TRPM7: variants seen among roughly 807,000 people sequenced by gnomAD.
TRPM7 encodes LTRPC ion channel family member 7.
TRPM7 carries 134 observed loss-of-function variants against 229.7 expected under a neutral mutation model. The observed-to-expected ratio is 0.58, with a 90% CI of 0.51 to 0.67. TRPM7 has a LOEUF of 0.67. Ranked by LOEUF, TRPM7 falls within the 30% of genes least tolerant of loss-of-function variation. The pLI is 0.00. For synonymous variants in TRPM7, 699 were observed against 715.2 expected, an observed-to-expected ratio of 0.98 and a Z score of 0.36; for missense variants, 1,901 against 2,210.0, an observed-to-expected ratio of 0.86 and a Z score of 2.80.
chr15:50,586,704 T>C, intron 27 of TRPM7: 1 of 372,484 alleles, frequency 2.7e-6, no homozygotes, highest in Non-Finnish European at 4.8e-6. Flanking sequence ...CATAAATCCA[T>C]CCAAATGAAT....
intron 5 of TRPM7, among the ~76,000 whole-genome samples, chr15:50,640,405 T>C (rs2061060661): frequency 1.3e-5 from 2 of 150,630 alleles, no homozygotes; most frequent in Non-Finnish European, 3.0e-5. Flanking sequence ...GCCTCCCAAG[T>C]AGCTAGGAGG....
chr15:50,674,874 T>C (rs1567123948), intron 1 of TRPM7, among the ~76,000 whole-genome samples: 1 of 152,184 alleles, frequency 6.6e-6, no homozygotes, highest in South Asian at 2.1e-4. Flanking sequence ...CTACATCCCA[T>C]AGTTTTGGGT....
intron 28 of TRPM7, among the ~76,000 whole-genome samples, chr15:50,584,904 C>T (rs1056833779): frequency 7.2e-5 from 11 of 151,802 alleles, no homozygotes; most frequent in Admixed American, 3.3e-4. Flanking sequence ...AGTCTCGCTC[C>T]CATTCCCATT....
At chr15:50,612,979 CTCA>C in intron 15 of TRPM7, 150 bp from the exon 16 acceptor site, 1 of 717,164 alleles carries the variant, frequency 1.4e-6, no homozygotes, top group East Asian at 2.9e-5. Context: ...TTTATTATAG[CTCA>C]TAATTCATTT....
intron 1 of TRPM7, among the ~76,000 whole-genome samples, chr15:50,684,672 G>T (rs1423047577): frequency 1.3e-5 from 2 of 151,920 alleles, no homozygotes; most frequent in Non-Finnish European, 2.9e-5. Context: ...AAAATACAGA[G>T]GAGAAAGAAA....
intron 31 of TRPM7, among the ~76,000 whole-genome samples, chr15:50,577,478 C>T (rs1447083605): frequency 2.6e-5 from 4 of 152,022 alleles, no homozygotes; most frequent in Admixed American, 6.6e-5. Context: ...ACCTGGGAGG[C>T]GGAGGTTGCA....
chr15:50,621,638 C>G (rs997663849), intron 12 of TRPM7, among the ~76,000 whole-genome samples: 1 of 152,126 alleles, frequency 6.6e-6, no homozygotes, highest in African/African-American at 2.4e-5. Context: ...AATTCAGAAG[C>G]AAATACGAGA....
chr15:50,579,461 T>C (rs908777056), intron 30 of TRPM7, among the ~76,000 whole-genome samples: 1 of 152,200 alleles, frequency 6.6e-6, no homozygotes, highest in African/African-American at 2.4e-5. Flanking sequence ...GAACCTAACA[T>C]CATTCCTTTG....
At chr15:50,612,501 C>A (rs777102721) in intron 16 of TRPM7, 48 bp downstream of exon 16, 5 of 1,561,386 alleles carry the variant, frequency 3.2e-6, no homozygotes, top group Admixed American at 1.8e-5. Context: ...TCAAACAATA[C>A]CTACTTTGAA....
chr15:50,634,352 A>C, intron 8 of TRPM7, 30 bp downstream of exon 8: 1 of 1,260,608 alleles, frequency 7.9e-7, no homozygotes, highest in Non-Finnish European at 1.1e-6. Flanking sequence ...TAAATAAATA[A>C]AATTAATTAA....
chr15:50,624,448 T>C, intron 11 of TRPM7, 148 bp from the exon 12 acceptor site: 5 of 638,648 alleles, frequency 7.8e-6, no homozygotes, highest in Non-Finnish European at 1.2e-5. Context: ...AAAAAGCTAA[T>C]AAGACTTTAG....
chr15:50,663,065 A>G lies in TRPM7; in HGVS notation c.4-19T>C. On this transcript the variant is annotated intron_variant, in intron 1 of 38. Transcript: ENST00000646667. ...TCTGGGACTAAAACAAAATGTTTTA[A>G]AGAATTGTTTATAAGTTAACCCACT... The G allele has an allele frequency of 6.3e-7, 1 of 1,584,834 alleles. No homozygotes were observed. Among genetic ancestry groups the G allele is most frequent in the Non-Finnish European group, 8.7e-7 (1 of 1,154,754 alleles).
intron 19 of TRPM7, 91 bp downstream of exon 19, chr15:50,609,490 A>T: frequency 7.2e-6 from 9 of 1,255,376 alleles, no homozygotes; most frequent in Non-Finnish European, 9.7e-6. Flanking sequence ...CAGTGATCTA[A>T]GTTATATCAA....
At chr15:50,623,405 T>C (rs2060469882) in intron 12 of TRPM7, among the ~76,000 whole-genome samples, 1 of 127,574 alleles carries the variant, frequency 7.8e-6, no homozygotes, top group South Asian at 2.6e-4. Context: ...AGCGAGATTC[T>C]GTCAAAAAAA....
intron 12 of TRPM7, among the ~76,000 whole-genome samples, chr15:50,620,597 A>T (rs1350843562): frequency 1.3e-5 from 2 of 152,174 alleles, no homozygotes; most frequent in Non-Finnish European, 2.9e-5. Flanking sequence ...ATTGCATATG[A>T]ATCATATTTT....
chr15:50,651,220 C>A (rs964096311), intron 3 of TRPM7, among the ~76,000 whole-genome samples: 1 of 150,738 alleles, frequency 6.6e-6, no homozygotes, highest in South Asian at 2.1e-4. Context: ...TCAAAGAATA[C>A]TGAGGCATGC....
chr15:50,666,007 T>TAAAAAAAAAAAAAA (rs762777662), intron 1 of TRPM7, among the ~76,000 whole-genome samples: 1 of 148,260 alleles, frequency 6.7e-6, no homozygotes, highest in Non-Finnish European at 1.5e-5. Context: ...AATAATAATT[T>TAAAAAAAAAAAAAA]AAAAAAAAGG....
intron 5 of TRPM7, among the ~76,000 whole-genome samples, chr15:50,643,080 G>A (rs1471251496): frequency 6.6e-6 from 1 of 152,124 alleles, no homozygotes; most frequent in Non-Finnish European, 1.5e-5. Context: ...CACGAGGTCA[G>A]CAGTTCGAGA....
At chr15:50,609,540 A>AATT (rs1206049622) in intron 19 of TRPM7, 41 bp downstream of exon 19, 4 of 1,563,116 alleles carry the variant, frequency 2.6e-6, no homozygotes, top group Non-Finnish European at 3.5e-6. Context: ...CCCAAAGCCT[A>AATT]ACTCTTAAAA....
Sources: gnomAD v4.1 joint callset for allele counts (sites outside exome capture counted in the v4.1 genomes callset) on GRCh38, gnomAD v4.1.1 for gene constraint, MANE v1.5 for transcripts, NCBI Gene and HGNC (gene_info 2026-07-23, HGNC 2026-07-21) for gene names.